Variants in CNTN5 observed in about 807,000 individuals in gnomAD.
The protein encoded by CNTN5 is contactin 5.
CNTN5 carries 77 observed loss-of-function variants against 129.1 expected under a neutral mutation model. The ratio of observed to expected loss-of-function variants is 0.60; its 90% confidence interval spans 0.50 to 0.72. CNTN5 has a LOEUF of 0.72. Among genes scored for constraint, CNTN5 ranks in the 30% least tolerant of loss-of-function variants. CNTN5 has a pLI of 0.00. For missense variants in CNTN5, 1,478 were observed against 1,328.8 expected (o/e 1.11, Z -1.75); for synonymous variants, 509 against 465.6 (o/e 1.09, Z -1.20).
chr11:100,078,839 T>C (rs1433222384), intron 13 of CNTN5, among the ~76,000 whole-genome samples: 1 of 152,094 alleles, frequency 6.6e-6, no homozygotes, highest in Non-Finnish European at 1.5e-5. Context: ...ATAGTGATAA[T>C]GATGGTATCT....
intron 9 of CNTN5, among the ~76,000 whole-genome samples, chr11:100,030,143 A>G (rs1368117567): frequency 2.0e-5 from 3 of 152,088 alleles, no homozygotes; most frequent in Non-Finnish European, 2.9e-5. Context: ...GGGTGACTGC[A>G]GTAGGAGAAT....
At chr11:99,061,259 A>G (rs1864863413) in intron 1 of CNTN5, among the ~76,000 whole-genome samples, 1 of 152,072 alleles carries the variant, frequency 6.6e-6, no homozygotes, top group South Asian at 2.1e-4. Flanking sequence ...TGCATATGAA[A>G]ATTTGTTTCA....
intron 3 of CNTN5, among the ~76,000 whole-genome samples, chr11:99,582,681 C>T (rs1432976645): frequency 6.6e-6 from 1 of 152,212 alleles, no homozygotes; most frequent in Non-Finnish European, 1.5e-5. Context: ...TCCATCAGGT[C>T]CTTTAAGAAC....
At chr11:99,756,551 T>C (rs765615183) in intron 3 of CNTN5, among the ~76,000 whole-genome samples, 1 of 152,116 alleles carries the variant, frequency 6.6e-6, no homozygotes, top group Non-Finnish European at 1.5e-5. Flanking sequence ...CTAAGATCAC[T>C]AGAAATCAGA....
intron 3 of CNTN5, among the ~76,000 whole-genome samples, chr11:99,767,443 AAT>A (rs1944792528): frequency 6.6e-6 from 1 of 152,106 alleles, no homozygotes. Flanking sequence ...TAATGTGTTA[AAT>A]ATCACAAGAT....
intron 9 of CNTN5, among the ~76,000 whole-genome samples, chr11:100,024,372 AC>A (rs1287315469): frequency 6.6e-6 from 1 of 152,110 alleles, no homozygotes; most frequent in Non-Finnish European, 1.5e-5. Flanking sequence ...TTTATAAATT[AC>A]CCAGTCTCAG....
chr11:99,392,594 C>T (rs999218788), intron 2 of CNTN5, among the ~76,000 whole-genome samples: 1 of 151,736 alleles, frequency 6.6e-6, no homozygotes, highest in Non-Finnish European at 1.5e-5. Context: ...TTATCAGGTC[C>T]CCAAGACATC....
At chr11:99,835,576 G>A (rs769453123) in intron 4 of CNTN5, among the ~76,000 whole-genome samples, 1 of 152,172 alleles carries the variant, frequency 6.6e-6, no homozygotes, top group South Asian at 2.1e-4. Context: ...AAGAACCACA[G>A]CAGCACCCAT....
At chr11:99,256,294 A>T (rs543250540) in intron 1 of CNTN5, among the ~76,000 whole-genome samples, 1 of 152,068 alleles carries the variant, frequency 6.6e-6, no homozygotes, top group East Asian at 1.9e-4. Flanking sequence ...ATTTTTATAA[A>T]TAGAGACTTT....
At chr11:99,445,479 C>A (rs1944025484) in intron 2 of CNTN5, among the ~76,000 whole-genome samples, 1 of 152,120 alleles carries the variant, frequency 6.6e-6, no homozygotes, top group South Asian at 2.1e-4. Flanking sequence ...GATTGTGTAT[C>A]ATATTGTTTG....
At chr11:99,277,178 G>T (rs781038894) in intron 1 of CNTN5, among the ~76,000 whole-genome samples, 4 of 151,560 alleles carry the variant, frequency 2.6e-5, no homozygotes, top group Non-Finnish European at 4.4e-5. Context: ...AAGCAATACA[G>T]GTACCCAGGA....
At chr11:99,371,456 T>C (rs1275737537) in intron 2 of CNTN5, among the ~76,000 whole-genome samples, 3 of 152,128 alleles carry the variant, frequency 2.0e-5, no homozygotes, top group African/African-American at 7.2e-5. Context: ...CATAGTAAGT[T>C]AGATCTGAGG....
chr11:100,061,278 A>T lies in CNTN5; in HGVS notation c.1047A>T (p.Lys349Asn), dbSNP rs186615197. Residue 349 changes from lysine to asparagine, a missense_variant, in exon 10 of 25, where the codon AAA (lysine) becomes AAT (asparagine). Coordinates refer to ENST00000524871, the MANE Select transcript of CNTN5 (RefSeq NM_014361.4). ...GYIPSKARLRKSQAVLEIPNV... is the reference protein window; with the variant it reads ...GYIPSKARLRNSQAVLEIPNV... ...TTCCTAGTAAGGCACGTCTGCGGAA[A>T]TCTCAGGCGGTGCTGGAAATACCGA... The T allele has an allele frequency of 1.1e-3, 1,752 of 1,613,660 alleles. 17 individuals are homozygous for T. The Admixed American group carries it at 0.016, about 14-fold the overall frequency.
intron 13 of CNTN5, among the ~76,000 whole-genome samples, chr11:100,184,066 A>ATTACC: frequency 6.6e-6 from 1 of 152,020 alleles, no homozygotes; most frequent in East Asian, 1.9e-4. Flanking sequence ...CAGCTCAAAT[A>ATTACC]TTACCCCCTA....
intron 2 of CNTN5, among the ~76,000 whole-genome samples, chr11:99,479,182 CTATT>C (rs1338971597): frequency 6.6e-6 from 1 of 151,660 alleles, no homozygotes; most frequent in African/African-American, 2.4e-5. Context: ...TTTTTAAGAA[CTATT>C]TGTTTGTTTA....
In CNTN5 at chr11:99,917,667, T is replaced by G. The variant is rs142102676; in HGVS notation, c.673+1518T>G. The stretch of plus-strand genomic sequence containing the variant: ...GATTTTCTGAGATATGATCTTTATT[T>G]TAAGGCTGGGGAACGTGTATTTTTA... On this transcript the variant is annotated intron_variant, in intron 7 of 24. Coordinates refer to ENST00000524871, the MANE Select transcript of CNTN5 (RefSeq NM_014361.4). Among the ~76,000 whole-genome samples the G allele has an allele frequency of 4.6e-3, 693 of 152,188 alleles. 2 individuals carry two copies. Among genetic ancestry groups the G allele is most frequent in the Non-Finnish European group, 7.4e-3 (502 of 67,994 alleles).
In CNTN5 at chr11:100,074,200, G is replaced by C. The variant is rs201442381; in HGVS notation, c.1486G>C (p.Asp496His). Residue 496 changes from aspartate to histidine, a missense_variant, in exon 13 of 25, where the codon GAC (aspartate) becomes CAC (histidine). Asp to His is a moderately conservative substitution (Grantham distance 81). Transcript: ENST00000524871. ...QLKKTIIVTK[D>H]QEVVIECKPQ... ...GAAGAAAACAATAATTGTTACCAAA[G>C]ACCAAGAAGTTGTCATAGAGTGCAA... 136 of 1,612,392 alleles carry C rather than the reference G, an allele frequency of 8.4e-5. No individual in the cohort carries two copies. Among genetic ancestry groups the C allele is most frequent in the Admixed American group, 1.7e-4 (10 of 59,800 alleles).
At chr11:99,287,576 T>G (rs981398230) in intron 1 of CNTN5, among the ~76,000 whole-genome samples, 12 of 152,068 alleles carry the variant, frequency 7.9e-5, no homozygotes, top group African/African-American at 2.4e-4. Context: ...GTGGATTATA[T>G]GAGAATATAG....
chr11:99,360,388 GC>G (rs1422597668), intron 2 of CNTN5, among the ~76,000 whole-genome samples: 1 of 152,174 alleles, frequency 6.6e-6, no homozygotes, highest in Non-Finnish European at 1.5e-5. Context: ...GTCTGTAGCA[GC>G]CCCCAAACCT....
Sources: gnomAD v4.1 joint callset for allele counts (sites outside exome capture counted in the v4.1 genomes callset) on GRCh38, gnomAD v4.1.1 for gene constraint, MANE v1.5 for transcripts, NCBI Gene and HGNC (gene_info 2026-07-23, HGNC 2026-07-21) for gene names.